Variants in RASA2 observed in about 807,000 individuals in gnomAD.
The protein encoded by RASA2 is RAS p21 protein activator 2, also known as ras GTPase-activating protein 2.
A neutral mutation model predicts 118.2 loss-of-function variants in RASA2; 155 were observed. The observed-to-expected ratio is 1.31, with a 90% CI of 1.15 to 1.50. The LOEUF is 1.50. Among genes scored for constraint, RASA2 ranks in the 40% most tolerant of loss-of-function variants. RASA2 has a pLI of 0.00. For missense variants in RASA2, 1,016 were observed against 1,009.6 expected (o/e 1.01, Z -0.09); for synonymous variants, 353 against 349.1 (o/e 1.01, Z -0.12).
Position 141,610,067 on chromosome 3 carries a change from GTGAGTAATTT to G in RASA2, c.2519+3_2519+12del. The G allele has an allele frequency of 6.4e-7, 1 of 1,568,268 alleles. No individual in the cohort carries two copies. ...CCAGTAGTGCAAAATATGGGAGCAA[GTGAGTAATTT>G]TTAAGCTATTGTAAACATATTTTTA... On this transcript the variant is annotated splice_donor_variant and splice_donor_5th_base_variant and intron_variant, in intron 23 of 23. Coordinates refer to ENST00000286364, the MANE Select transcript of RASA2 (RefSeq NM_006506.5). LOFTEE classifies it high-confidence loss of function.
chr3:141,601,649 T>C (rs915784917), intron 19 of RASA2, among the ~76,000 whole-genome samples: 4 of 152,222 alleles, frequency 2.6e-5, no homozygotes, highest in Non-Finnish European at 4.4e-5. Context: ...TTTAATATGA[T>C]GACCATAAAA....
intron 19 of RASA2, among the ~76,000 whole-genome samples, chr3:141,602,403 T>C (rs1338313103): frequency 1.3e-5 from 2 of 152,216 alleles, no homozygotes; most frequent in African/African-American, 4.8e-5. Flanking sequence ...ATTTGCACTC[T>C]TGTGATCTCA....
intron 1 of RASA2, among the ~76,000 whole-genome samples, chr3:141,487,923 T>TA (rs1183675942): frequency 1.3e-5 from 2 of 152,154 alleles, no homozygotes; most frequent in Admixed American, 1.3e-4. Flanking sequence ...CAGGCGGGAC[T>TA]AAAGGCAGGA....
At chr3:141,591,882 CT>C (rs898801365) in intron 19 of RASA2, among the ~76,000 whole-genome samples, 53 of 146,478 alleles carry the variant, frequency 3.6e-4, no homozygotes, top group East Asian at 7.9e-4. Flanking sequence ...GGCTCTGCAG[CT>C]TTTTTTTTTT....
rs1185683087 is a variant in RASA2, at chr3:141,516,431, G to T, written c.355G>T (p.Gly119Ter). 6.8e-7 allele frequency: 1 copy of T among 1,475,260 alleles called. No homozygotes were observed. 91.4% of individuals were successfully genotyped at this position (1,475,260 alleles called of 1,614,324 possible). A position where few individuals can be genotyped will look rare whatever the true frequency, so the allele number is the denominator to read the frequency against. ...TGTTTTACAAAGAGATCTCCGTATA[G>T]GTATGTACTATTCATAATTATCTTT... Reference protein sequence around the residue: ...KNVLQRDLRIGKVAIKKEDLC... With the variant: ...KNVLQRDLRI The change falls in exon 3 of 24, where the codon GGA becomes TGA. Residue 119 changes from glycine to a stop codon, truncating the protein, a stop_gained and splice_region_variant. Transcript: ENST00000286364. LOFTEE classifies it high-confidence loss of function.
chr3:141,581,544 G>C (rs78425303), intron 17 of RASA2, among the ~76,000 whole-genome samples: 5,706 of 152,212 alleles, frequency 0.037, 148 homozygotes, highest in Middle Eastern at 0.085. Context: ...CCCCTTAGAC[G>C]CAAGAAGTAT....
chr3:141,544,846 G>A (rs1218642378), intron 5 of RASA2, among the ~76,000 whole-genome samples: 2 of 152,174 alleles, frequency 1.3e-5, no homozygotes, highest in Admixed American at 6.5e-5. Context: ...GAACATAGGC[G>A]GAGCTGAAGG....
At chr3:141,592,112 G>T (rs1230104640) in intron 19 of RASA2, among the ~76,000 whole-genome samples, 1 of 151,988 alleles carries the variant, frequency 6.6e-6, no homozygotes, top group Non-Finnish European at 1.5e-5. Flanking sequence ...TAAATCAGAT[G>T]AACAAAAAAG....
rs749985598 is a variant in RASA2, at chr3:141,487,082, C to T, written c.-2C>T. ...GGGCTGCGGCACGGGCCGGGCGGCA[C>T]CATGGCGGCGGCGGCGCCTGCTGCT... On this transcript the variant is annotated 5_prime_UTR_variant, in exon 1 of 24. Transcript: ENST00000286364. 7.4e-7 allele frequency: 1 copy of T among 1,349,108 alleles called. No homozygotes were observed. Among genetic ancestry groups the T allele is most frequent in the Non-Finnish European group, 9.6e-7 (1 of 1,036,980 alleles). The allele number at this position is 1,349,108 out of a possible 1,614,324, so 83.6% of individuals were successfully genotyped here.
chr3:141,506,224 A>G (rs1281745575), intron 1 of RASA2, among the ~76,000 whole-genome samples: 3 of 152,260 alleles, frequency 2.0e-5, no homozygotes, highest in Admixed American at 2.0e-4. Context: ...GTAGAGGAAC[A>G]GTTGGTTGTC....
chr3:141,555,199 A>G (rs111574894), intron 6 of RASA2, among the ~76,000 whole-genome samples: 4,688 of 152,224 alleles, frequency 0.031, 241 homozygotes, highest in African/African-American at 0.1. Context: ...GGCGAAGGTT[A>G]TGGTGAACCG....
intron 5 of RASA2, among the ~76,000 whole-genome samples, chr3:141,543,907 G>A (rs1408958872): frequency 4.7e-5 from 5 of 105,400 alleles, no homozygotes; most frequent in Non-Finnish European, 9.2e-5. Flanking sequence ...ATGGAGTCTA[G>A]TTCTGTCACT....
intron 1 of RASA2, among the ~76,000 whole-genome samples, chr3:141,502,717 T>A (rs987244141): frequency 6.6e-6 from 1 of 152,238 alleles, no homozygotes; most frequent in African/African-American, 2.4e-5. Flanking sequence ...ATTTATTCAG[T>A]AAGTGGTAGC....
intron 19 of RASA2, among the ~76,000 whole-genome samples, chr3:141,588,283 T>C (rs7633648): frequency 0.025 from 3,795 of 152,322 alleles, 66 homozygotes; most frequent in Non-Finnish European, 0.036. Flanking sequence ...ACTTACTTTG[T>C]CTCTTTACAT....
chr3:141,520,961 A>G (rs1297133043), intron 3 of RASA2, among the ~76,000 whole-genome samples: 2 of 152,180 alleles, frequency 1.3e-5, no homozygotes, highest in African/African-American at 4.8e-5. Context: ...AGGAGATGTG[A>G]AAAGGAGAAG....
intron 19 of RASA2, among the ~76,000 whole-genome samples, chr3:141,597,097 A>G (rs1406497068): frequency 3.3e-5 from 5 of 152,250 alleles, no homozygotes; most frequent in South Asian, 2.1e-4. Context: ...TATATATGCA[A>G]TAGAACACTA....
intron 4 of RASA2, among the ~76,000 whole-genome samples, chr3:141,535,289 C>T (rs1459762730): frequency 6.6e-6 from 1 of 152,072 alleles, no homozygotes; most frequent in Admixed American, 6.5e-5. Flanking sequence ...TTGTGACTTT[C>T]TGTTTAGATA....
chr3:141,531,568 C>G (rs915504783), intron 4 of RASA2, among the ~76,000 whole-genome samples: 3 of 151,564 alleles, frequency 2.0e-5, no homozygotes. Context: ...TGTATATATA[C>G]ACATTTGAGA....
At chr3:141,512,111 G>A (rs1468033395) in intron 1 of RASA2, 52 bp from the exon 2 acceptor site, 6 of 1,240,242 alleles carry the variant, frequency 4.8e-6, no homozygotes, top group Non-Finnish European at 7.0e-6. Flanking sequence ...ATAAGGCTTA[G>A]TATGAAGCAG....
Sources: gnomAD v4.1 joint callset for allele counts (sites outside exome capture counted in the v4.1 genomes callset) on GRCh38, gnomAD v4.1.1 for gene constraint, MANE v1.5 for transcripts, NCBI Gene and HGNC (gene_info 2026-07-23, HGNC 2026-07-21) for gene names.